The following RPGRIP1L variants were observed in gnomAD, a reference collection of about 807,000 sequenced individuals.
RPGRIP1L encodes RPGRIP1 like, also known as protein fantom.
In RPGRIP1L, 131 loss-of-function variants were observed where a neutral mutation model predicts 160.4. The observed-to-expected ratio is 0.82, with a 90% confidence interval of 0.71 to 0.94. The LOEUF (loss-of-function observed/expected upper bound fraction) is 0.94. RPGRIP1L is among the 40% of genes least tolerant of loss of function. The pLI, the probability that RPGRIP1L is intolerant of heterozygous loss-of-function variation, is 0.00. For synonymous variants in RPGRIP1L, 510 were observed against 515.8 expected (o/e 0.99, Z 0.15); for missense variants, 1,522 against 1,535.8 (o/e 0.99, Z 0.15).
chr16:53,671,567 T>A lies in RPGRIP1L; in HGVS notation c.1046A>T (p.Asn349Ile). The change falls in exon 9 of 27, where the codon AAT becomes ATT. Residue 349 changes from asparagine (N) to isoleucine (I), a missense_variant. Physicochemically the swap from Asn to Ile is moderately radical, Grantham distance 149. Transcript: ENST00000647211. Reference sequence around the variant, plus strand: ...AAGTTCCCGTTCCTTTTCTAAATCATTAATTCTATCCTGCAGCTAAAATGA... The same window carrying A: ...AAGTTCCCGTTCCTTTTCTAAATCAATAATTCTATCCTGCAGCTAAAATGA... ...RRIEELQDRI[N>I]DLEKERELLK... is the part of the protein sequence containing the mutation. The A allele has an allele frequency of 6.5e-7, 1 of 1,546,976 alleles. No homozygotes were observed.
chr16:53,651,271 A>G (rs145187345), intron 15 of RPGRIP1L, among the ~76,000 whole-genome samples: 16 of 152,340 alleles, frequency 1.1e-4, no homozygotes, highest in African/African-American at 2.9e-4. Flanking sequence ...GGAGAAGTTA[A>G]TAAAATATGT....
intron 4 of RPGRIP1L, among the ~76,000 whole-genome samples, chr16:53,690,294 T>G (rs1970295726): frequency 6.6e-6 from 1 of 152,138 alleles, no homozygotes; most frequent in Non-Finnish European, 1.5e-5. Context: ...CCTCCTGGGT[T>G]CAAGTGATTC....
intron 3 of RPGRIP1L, chr16:53,694,556 C>T (rs1970613214): frequency 6.6e-6 from 1 of 151,424 alleles, no homozygotes; most frequent in Non-Finnish European, 1.5e-5. Flanking sequence ...CTCTTATTGC[C>T]CAAGCTCAGT....
intron 16 of RPGRIP1L, among the ~76,000 whole-genome samples, chr16:53,648,602 A>C (rs1966718713): frequency 7.2e-6 from 1 of 139,456 alleles, no homozygotes; most frequent in African/African-American, 2.7e-5. Context: ...TTGCACATAT[A>C]CGTACGCGCG....
intron 25 of RPGRIP1L, among the ~76,000 whole-genome samples, chr16:53,606,079 T>A (rs1363668951): frequency 1.3e-5 from 2 of 152,236 alleles, no homozygotes; most frequent in African/African-American, 4.8e-5. Context: ...GTATGTGTTC[T>A]ACAAAATGCA....
At chr16:53,625,158 G>A (rs1041273322) in intron 22 of RPGRIP1L, among the ~76,000 whole-genome samples, 19 of 152,206 alleles carry the variant, frequency 1.2e-4, no homozygotes, top group African/African-American at 3.9e-4. Flanking sequence ...CCAAAGTGCC[G>A]AGACTGCAGC....
chr16:53,695,696 C>A (rs1598418962), intron 3 of RPGRIP1L: 1 of 443,036 alleles, frequency 2.3e-6, no homozygotes. Flanking sequence ...CTAGTATAAC[C>A]CAAGCAAAGT....
intron 10 of RPGRIP1L, 113 bp downstream of exon 10, chr16:53,664,757 C>A: frequency 8.5e-7 from 1 of 1,181,196 alleles, no homozygotes. Context: ...GTCTGTCCCT[C>A]ATACATTGCG....
chr16:53,635,230 A>G (rs1965766053), intron 22 of RPGRIP1L, among the ~76,000 whole-genome samples: 2 of 152,224 alleles, frequency 1.3e-5, no homozygotes, highest in South Asian at 4.1e-4. Flanking sequence ...AACTTCACTG[A>G]GATGCTAGCC....
intron 24 of RPGRIP1L, among the ~76,000 whole-genome samples, chr16:53,616,721 G>T (rs186666136): frequency 1.0e-3 from 152 of 152,014 alleles, no homozygotes; most frequent in Middle Eastern, 6.8e-3. Flanking sequence ...AAACATAACT[G>T]TTAACATACC....
Position 53,665,090 on chromosome 16 carries a change from C to T in RPGRIP1L, c.1104-81G>A, listed in dbSNP as rs1004260091. On this transcript the variant is annotated intron_variant, in intron 9 of 26. Coordinates refer to ENST00000647211, the MANE Select transcript of RPGRIP1L (RefSeq NM_015272.5). ...TAATAAAGAGAAAAGCTTTTAGTGGCGCAGAGACCACTGTCATCATGTCTT... is the reference window on the plus strand; with the variant it reads ...TAATAAAGAGAAAAGCTTTTAGTGGTGCAGAGACCACTGTCATCATGTCTT... 14 of 1,522,732 alleles carry T rather than the reference C, an allele frequency of 9.2e-6. No homozygotes were observed. The African/African-American group carries it at 1.1e-4, about 12-fold the overall frequency. 94.3% of individuals were successfully genotyped at this position (1,522,732 alleles called of 1,614,324 possible).
rs1967446542 is a variant in RPGRIP1L at position 53,658,346 on chromosome 16, A to G, written c.1401+68T>C. 2.7e-6 allele frequency: 3 copies of G among 1,101,362 alleles called. No homozygotes were observed. In the East Asian group the frequency reaches 7.1e-5, roughly 26 times the overall value. 68.2% of individuals were successfully genotyped at this position (1,101,362 alleles called of 1,614,324 possible). On this transcript the variant is annotated intron_variant, in intron 12 of 26. Transcript: ENST00000647211. ...TTCTCCAAATGTAAGGGTTACAGAT[A>G]AGGGTCATCATTATGCTGAAACAGT...
At chr16:53,687,771 G>T in intron 5 of RPGRIP1L, 92 bp downstream of exon 5, 2 of 806,010 alleles carry the variant, frequency 2.5e-6, no homozygotes, top group South Asian at 1.4e-5. Context: ...GGAGCAAACT[G>T]TTTACATATA....
intron 15 of RPGRIP1L, among the ~76,000 whole-genome samples, chr16:53,651,276 ATATG>A (rs1215445463): frequency 1.3e-5 from 2 of 152,184 alleles, no homozygotes; most frequent in Non-Finnish European, 2.9e-5. Context: ...AGTTAATAAA[ATATG>A]TACTGAATAT....
intron 10 of RPGRIP1L, among the ~76,000 whole-genome samples, chr16:53,662,171 T>G (rs912802648): frequency 6.6e-6 from 1 of 152,130 alleles, no homozygotes; most frequent in Non-Finnish European, 1.5e-5. Context: ...CAGCACACCA[T>G]TAATAAGCAG....
intron 6 of RPGRIP1L, among the ~76,000 whole-genome samples, chr16:53,685,068 C>G (rs1969898379): frequency 6.6e-6 from 1 of 152,014 alleles, no homozygotes; most frequent in African/African-American, 2.4e-5. Context: ...CATGAACAGA[C>G]ACTTCTCAAA....
chr16:53,628,374 A>G (rs1965310985), intron 22 of RPGRIP1L: 1 of 152,132 alleles, frequency 6.6e-6, no homozygotes, highest in South Asian at 2.1e-4. Context: ...GTAGGGTAGG[A>G]ATGCATATTA....
At chr16:53,643,306 TAA>T (rs77427391) in intron 17 of RPGRIP1L, among the ~76,000 whole-genome samples, 93 of 111,276 alleles carry the variant, frequency 8.4e-4, no homozygotes, top group Admixed American at 9.8e-4. Context: ...AGACTCCATC[TAA>T]AAAAAAAAAA....
intron 22 of RPGRIP1L, among the ~76,000 whole-genome samples, chr16:53,624,856 A>G (rs1964982603): frequency 7.0e-6 from 1 of 142,044 alleles, no homozygotes; most frequent in Non-Finnish European, 1.5e-5. Context: ...GGCTCGCTGC[A>G]ACCTCCCTGC....
Sources: gnomAD v4.1 joint callset for allele counts (sites outside exome capture counted in the v4.1 genomes callset) on GRCh38, gnomAD v4.1.1 for gene constraint, MANE v1.5 for transcripts, NCBI Gene and HGNC (gene_info 2026-07-23, HGNC 2026-07-21) for gene names.